Variants in RAI14 observed in about 807,000 individuals in gnomAD.
RAI14 encodes the protein retinoic acid induced 14.
A neutral mutation model predicts 115.4 loss-of-function variants in RAI14; 45 were observed. That is an observed-to-expected ratio of 0.39 (90% CI 0.31 to 0.50). RAI14 has a LOEUF of 0.50. Among genes scored for constraint, RAI14 ranks in the 20% least tolerant of loss-of-function variants. The probability of loss-of-function intolerance (pLI) is 0.85; values close to 1 mark genes in which losing one functional copy is unlikely to be tolerated. For missense variants in RAI14, 939 were observed against 1,131.2 expected, an observed-to-expected ratio of 0.83 and a Z score of 2.44; for synonymous variants, 371 against 415.4, an observed-to-expected ratio of 0.89 and a Z score of 1.30.
intron 3 of RAI14, among the ~76,000 whole-genome samples, chr5:34,767,281 G>A (rs747987098): frequency 6.6e-6 from 1 of 152,144 alleles, no homozygotes; most frequent in African/African-American, 2.4e-5. Context: ...TCCTCTCTCT[G>A]TTCCCTCCAC....
chr5:34,672,557 G>A (rs1743693055), intron 1 of RAI14, among the ~76,000 whole-genome samples: 1 of 152,182 alleles, frequency 6.6e-6, no homozygotes, highest in African/African-American at 2.4e-5. Context: ...GGAGGATCTA[G>A]CTGCCTCCAT....
At chr5:34,700,984 G>A (rs568587989) in intron 2 of RAI14, among the ~76,000 whole-genome samples, 1 of 152,326 alleles carries the variant, frequency 6.6e-6, no homozygotes, top group South Asian at 2.1e-4. Flanking sequence ...GACTTCTTAA[G>A]AGCATTGCAA....
intron 2 of RAI14, among the ~76,000 whole-genome samples, chr5:34,710,810 G>A (rs35468221): frequency 0.19 from 29,440 of 152,116 alleles, 3,527 homozygotes; most frequent in Non-Finnish European, 0.25. Context: ...TGCTCAGCAT[G>A]CCAAGACTGT....
At chr5:34,658,659 G>A (rs1742461310) in intron 1 of RAI14, among the ~76,000 whole-genome samples, 2 of 152,100 alleles carry the variant, frequency 1.3e-5, no homozygotes, top group Admixed American at 1.3e-4. Flanking sequence ...TTAGCTGGGC[G>A]TGGTGGCACG....
At chr5:34,812,097 G>A in intron 9 of RAI14, 83 bp from the exon 10 acceptor site, 2 of 1,326,400 alleles carry the variant, frequency 1.5e-6, no homozygotes, top group Non-Finnish European at 2.1e-6. Context: ...TGTATATGGT[G>A]TATGTGTGTG....
chr5:34,812,030 A>ATATTTTATTATTCTT, intron 9 of RAI14, 85 bp downstream of exon 9: 1 of 1,312,796 alleles, frequency 7.6e-7, no homozygotes, highest in Non-Finnish European at 1.1e-6. Flanking sequence ...GCAATATGAT[A>ATATTTTATTATTCTT]TATTTTATTA....
At chr5:34,673,149 T>C (rs896761509) in intron 1 of RAI14, among the ~76,000 whole-genome samples, 1 of 152,236 alleles carries the variant, frequency 6.6e-6, no homozygotes, top group Non-Finnish European at 1.5e-5. Flanking sequence ...ATTGTTTTCA[T>C]TGTTGGCCTG....
chr5:34,665,182 T>C (rs1459145819), intron 1 of RAI14, among the ~76,000 whole-genome samples: 11 of 45,980 alleles, frequency 2.4e-4, no homozygotes, highest in East Asian at 3.9e-4. Flanking sequence ...TACACACATA[T>C]ATATATGTAT....
chr5:34,787,545 A>G (rs774434874), intron 3 of RAI14, among the ~76,000 whole-genome samples: 2 of 152,228 alleles, frequency 1.3e-5, no homozygotes, highest in Admixed American at 6.5e-5. Flanking sequence ...AGGCAAATCC[A>G]TAGAAACTGG....
At chr5:34,662,425 A>G (rs993918290) in intron 1 of RAI14, among the ~76,000 whole-genome samples, 1 of 152,196 alleles carries the variant, frequency 6.6e-6, no homozygotes, top group Non-Finnish European at 1.5e-5. Context: ...GGAGTTGACA[A>G]AACAAAGCTA....
At chr5:34,765,255 G>C (rs1047374337) in intron 3 of RAI14, among the ~76,000 whole-genome samples, 1 of 152,216 alleles carries the variant, frequency 6.6e-6, no homozygotes, top group South Asian at 2.1e-4. Flanking sequence ...TGAAAATGTG[G>C]AAGTGACTTT....
rs1406061494 is a variant in RAI14, at chr5:34,811,941, T to C, written c.732T>C (p.Asp244=). ...QSLLLSKISQ[D]ADLKTPTKPK... ...TTCTATTATCAAAAATCTCTCAGGA[T>C]GCTGGTATGTAAAAGAAAATAGCCA... The change falls in exon 9 of 18, where the codon GAT becomes GAC. Residue 244 remains aspartate, a synonymous_variant. Transcript: ENST00000265109. The C allele has an allele frequency of 6.2e-7, 1 of 1,606,196 alleles. No individual in the cohort carries two copies. The highest frequency in any genetic ancestry group is 1.3e-5 in the African/African-American group (1 of 74,326).
At chr5:34,803,403 C>T (rs1220069391) in intron 4 of RAI14, among the ~76,000 whole-genome samples, 1 of 151,964 alleles carries the variant, frequency 6.6e-6, no homozygotes, top group Non-Finnish European at 1.5e-5. Context: ...CAAAAATTAC[C>T]CAGGTGTGGT....
rs1487475699 is a variant in RAI14, at chr5:34,799,531, CACACACACA to C, written c.256+3506_256+3514del. Among the ~76,000 whole-genome samples, 108 of 78,066 alleles carry C rather than the reference CACACACACA, an allele frequency of 1.4e-3. 1 individual carries two copies. Among genetic ancestry groups the C allele is most frequent in the Non-Finnish European group, 2.4e-3 (88 of 36,514 alleles). 51.2% of individuals were successfully genotyped at this position (78,066 alleles called of 152,430 possible). A position where few individuals can be genotyped will look rare whatever the true frequency, so the allele number is the denominator to read the frequency against. On this transcript the variant is annotated intron_variant, in intron 4 of 17. Coordinates refer to ENST00000265109, the MANE Select transcript of RAI14 (RefSeq NM_015577.3). Reference sequence around the variant, plus strand: ...ACACACACACACACACACACACACACACACACACAAAACCACCTTTCAAAATCTATTACA... The same window carrying C: ...ACACACACACACACACACACACACACAAACCACCTTTCAAAATCTATTACA...
At chr5:34,702,918 C>T (rs531937028) in intron 2 of RAI14, among the ~76,000 whole-genome samples, 2 of 152,318 alleles carry the variant, frequency 1.3e-5, no homozygotes, top group East Asian at 3.9e-4. Flanking sequence ...ATTGGTCAGG[C>T]TTGTCTCGAA....
intron 2 of RAI14, among the ~76,000 whole-genome samples, chr5:34,711,312 G>A (rs1269090974): frequency 1.3e-5 from 2 of 151,054 alleles, no homozygotes; most frequent in African/African-American, 2.4e-5. Context: ...GCCGGCAGGG[G>A]GTGGATCTCA....
At chr5:34,753,077 G>A (rs964483728) in intron 2 of RAI14, among the ~76,000 whole-genome samples, 4 of 152,056 alleles carry the variant, frequency 2.6e-5, no homozygotes, top group African/African-American at 9.7e-5. Context: ...AAACTATACA[G>A]CTTTCATAGA....
chr5:34,672,861 C>T (rs1359520528), intron 1 of RAI14, among the ~76,000 whole-genome samples: 1 of 152,038 alleles, frequency 6.6e-6, no homozygotes, highest in Non-Finnish European at 1.5e-5. Flanking sequence ...GAAACTTCCC[C>T]ACCGTCTGTC....
At chr5:34,697,133 A>C (rs1315051057) in intron 2 of RAI14, among the ~76,000 whole-genome samples, 2 of 150,688 alleles carry the variant, frequency 1.3e-5, no homozygotes, top group Non-Finnish European at 3.0e-5. Flanking sequence ...TCCATCTCAA[A>C]AAATAATAAT....
Sources: gnomAD v4.1 joint callset for allele counts (sites outside exome capture counted in the v4.1 genomes callset) on GRCh38, gnomAD v4.1.1 for gene constraint, MANE v1.5 for transcripts, NCBI Gene and HGNC (gene_info 2026-07-23, HGNC 2026-07-21) for gene names.